The following SLC44A3 variants were observed in gnomAD, a reference collection of about 807,000 sequenced individuals.
The protein encoded by SLC44A3 is choline transporter-like protein 3.
A neutral mutation model predicts 75.4 loss-of-function variants in SLC44A3; 74 were observed. The observed-to-expected ratio is 0.98, with a 90% CI of 0.81 to 1.19. The LOEUF (loss-of-function observed/expected upper bound fraction) is 1.19, where lower values mean the gene tolerates loss of function less well. SLC44A3 is among the 50% of genes most tolerant of loss of function. The probability of loss-of-function intolerance (pLI) is 0.00; values close to 1 mark genes in which losing one functional copy is unlikely to be tolerated. For synonymous variants in SLC44A3, 310 were observed against 296.9 expected, an observed-to-expected ratio of 1.04 and a Z score of -0.45; for missense variants, 700 against 778.6, an observed-to-expected ratio of 0.90 and a Z score of 1.20.
At chr1:94,867,577 A>G (rs1667311080) in intron 12 of SLC44A3, among the ~76,000 whole-genome samples, 160 bp downstream of exon 12, 2 of 152,252 alleles carry the variant, frequency 1.3e-5, no homozygotes, top group Admixed American at 6.5e-5. Context: ...CAATTCTGCC[A>G]TCATGGCAGG....
At chr1:94,833,304 G>A (rs889135765) in intron 5 of SLC44A3, among the ~76,000 whole-genome samples, 1 of 152,184 alleles carries the variant, frequency 6.6e-6, no homozygotes, top group Non-Finnish European at 1.5e-5. Flanking sequence ...CATGTTTTGG[G>A]TTCTTCGGGG....
chr1:94,845,530 C>T (rs748448376), intron 9 of SLC44A3, 66 bp downstream of exon 9: 2 of 1,476,966 alleles, frequency 1.4e-6, no homozygotes, highest in Non-Finnish European at 1.8e-6. Context: ...TTTGGAACCA[C>T]TGGCCTGTTT....
chr1:94,882,412 T>C (rs1434564665), intron 12 of SLC44A3, among the ~76,000 whole-genome samples: 2 of 152,178 alleles, frequency 1.3e-5, no homozygotes, highest in Non-Finnish European at 2.9e-5. Flanking sequence ...TTGAAGTCAG[T>C]AACAGCCCAG....
chr1:94,844,084 C>T (rs1311038869), intron 8 of SLC44A3, among the ~76,000 whole-genome samples: 1 of 152,282 alleles, frequency 6.6e-6, no homozygotes, highest in East Asian at 1.9e-4. Context: ...TGGCCCTGCT[C>T]TCTAGGAGCC....
chr1:94,823,833 G>A (rs1204296431), intron 2 of SLC44A3, among the ~76,000 whole-genome samples: 2 of 152,188 alleles, frequency 1.3e-5, no homozygotes, highest in African/African-American at 4.8e-5. Flanking sequence ...CAGAGAGCCT[G>A]TCAGTATGTA....
intron 11 of SLC44A3, 66 bp from the exon 12 acceptor site, chr1:94,867,265 A>T (rs1233924171): frequency 1.1e-5 from 15 of 1,391,486 alleles, no homozygotes; most frequent in Non-Finnish European, 1.4e-5. Flanking sequence ...TTCCTCAGAA[A>T]CTGCCTGCTT....
chr1:94,891,435 G>A (rs1670197378), intron 13 of SLC44A3, among the ~76,000 whole-genome samples, 168 bp downstream of exon 13: 1 of 152,188 alleles, frequency 6.6e-6, no homozygotes, highest in Non-Finnish European at 1.5e-5. Flanking sequence ...CTTTGCAGAA[G>A]AGAAAATGAA....
At chr1:94,852,790 G>T (rs1665384074) in intron 9 of SLC44A3, among the ~76,000 whole-genome samples, 1 of 152,182 alleles carries the variant, frequency 6.6e-6, no homozygotes, top group Admixed American at 6.5e-5. Context: ...AAGAGGAGTT[G>T]GAGAAGACTC....
At chr1:94,823,838 T>G (rs1660937900) in intron 2 of SLC44A3, among the ~76,000 whole-genome samples, 1 of 152,212 alleles carries the variant, frequency 6.6e-6, no homozygotes, top group South Asian at 2.1e-4. Context: ...AGCCTGTCAG[T>G]ATGTATTAAT....
chr1:94,889,976 G>A (rs1301463505), intron 12 of SLC44A3, among the ~76,000 whole-genome samples: 11 of 151,936 alleles, frequency 7.2e-5, no homozygotes, highest in South Asian at 4.2e-4. Flanking sequence ...TCAACCTCCC[G>A]AGTAGCTGGG....
intron 11 of SLC44A3, among the ~76,000 whole-genome samples, chr1:94,866,203 T>C (rs770395940): frequency 1.3e-5 from 2 of 152,284 alleles, no homozygotes; most frequent in Non-Finnish European, 2.9e-5. Flanking sequence ...TGTGTGCGCA[T>C]TGGTAATAGA....
intron 10 of SLC44A3, among the ~76,000 whole-genome samples, chr1:94,858,499 G>T (rs967856319): frequency 6.6e-6 from 1 of 152,124 alleles, no homozygotes; most frequent in African/African-American, 2.4e-5. Context: ...AACCCAGCCA[G>T]GGCAATGGCA....
At chr1:94,838,326 C>T (rs1663099225) in intron 6 of SLC44A3, among the ~76,000 whole-genome samples, 1 of 152,174 alleles carries the variant, frequency 6.6e-6, no homozygotes, top group South Asian at 2.1e-4. Flanking sequence ...ACTGCAAGGG[C>T]CTGCTGTATC....
chr1:94,877,251 G>A (rs892301379), intron 12 of SLC44A3, among the ~76,000 whole-genome samples: 7 of 151,880 alleles, frequency 4.6e-5, no homozygotes, highest in African/African-American at 1.2e-4. Context: ...CTGCACACTC[G>A]CCTGCTGCTC....
chr1:94,873,322 G>C (rs183864087), intron 12 of SLC44A3, among the ~76,000 whole-genome samples: 3 of 152,292 alleles, frequency 2.0e-5, no homozygotes, highest in South Asian at 2.1e-4. Flanking sequence ...CTCTAGATAA[G>C]ATCTAGTAAG....
At chr1:94,826,919 T>G (rs1027680653) in intron 3 of SLC44A3, among the ~76,000 whole-genome samples, 1 of 152,166 alleles carries the variant, frequency 6.6e-6, no homozygotes, top group Non-Finnish European at 1.5e-5. Context: ...CTGTAGCTGC[T>G]AGCGCATAAC....
intron 12 of SLC44A3, among the ~76,000 whole-genome samples, chr1:94,883,342 A>G (rs1669206399): frequency 1.3e-5 from 2 of 152,098 alleles, no homozygotes; most frequent in African/African-American, 4.8e-5. Flanking sequence ...CTGTACAAAA[A>G]ACTACACAAA....
At chr1:94,833,350 G>A (rs1662383130) in intron 5 of SLC44A3, among the ~76,000 whole-genome samples, 1 of 152,158 alleles carries the variant, frequency 6.6e-6, no homozygotes, top group Non-Finnish European at 1.5e-5. Flanking sequence ...GTAGTCTAAT[G>A]CATCTGTGCT....
intron 12 of SLC44A3, 101 bp from the exon 13 acceptor site, chr1:94,891,029 G>A (rs1274347277): frequency 1.0e-6 from 1 of 979,728 alleles, no homozygotes; most frequent in Non-Finnish European, 1.5e-6. Flanking sequence ...AGAGAGAGTA[G>A]GTTTATTGTA....
Sources: allele counts gnomAD v4.1 joint callset (sites outside exome capture counted in the v4.1 genomes callset), GRCh38; gene constraint gnomAD v4.1.1; transcripts MANE v1.5; gene names NCBI Gene and HGNC (gene_info 2026-07-23, HGNC 2026-07-21).